SORCS2: variants seen among roughly 807,000 people sequenced by gnomAD.
SORCS2 encodes the protein VPS10 domain-containing receptor SorCS2.
Under a neutral mutation model 141.6 loss-of-function variants are expected in SORCS2, and 100 were observed. The ratio of observed to expected loss-of-function variants is 0.71; its 90% CI spans 0.60 to 0.83. The LOEUF (loss-of-function observed/expected upper bound fraction) is 0.83, where lower values mean the gene tolerates loss of function less well. Among genes scored for constraint, SORCS2 ranks in the 40% least tolerant of loss-of-function variants. The pLI is 0.00. For missense variants in SORCS2, 1,646 were observed against 1,560.2 expected (o/e 1.05, Z -0.93); for synonymous variants, 789 against 676.9 (o/e 1.17, Z -2.57).
intron 1 of SORCS2, among the ~76,000 whole-genome samples, chr4:7,305,617 G>T (rs552020161): frequency 6.6e-6 from 1 of 152,322 alleles, no homozygotes; most frequent in South Asian, 2.1e-4. Context: ...TAGTGTGAGA[G>T]AAGCTGTTTT....
intron 3 of SORCS2, among the ~76,000 whole-genome samples, chr4:7,574,163 T>C (rs1351236603): frequency 6.6e-6 from 1 of 152,258 alleles, no homozygotes; most frequent in African/African-American, 2.4e-5. Context: ...AGCTCGAGCA[T>C]CAGCTCAGAG....
intron 2 of SORCS2, among the ~76,000 whole-genome samples, chr4:7,481,538 C>T (rs1231325474): frequency 1.3e-5 from 2 of 152,054 alleles, no homozygotes; most frequent in Non-Finnish European, 2.9e-5. Context: ...TTGGAGAGGT[C>T]GGGGGAGCCG....
intron 1 of SORCS2, among the ~76,000 whole-genome samples, chr4:7,264,185 G>A (rs1003595753): frequency 4.6e-5 from 7 of 152,248 alleles, no homozygotes; most frequent in Non-Finnish European, 7.3e-5. Flanking sequence ...CCTAAGAGAT[G>A]TGATTGGCTG....
At chr4:7,355,558 C>T (rs1468061054) in intron 1 of SORCS2, among the ~76,000 whole-genome samples, 4 of 152,122 alleles carry the variant, frequency 2.6e-5, no homozygotes, top group Non-Finnish European at 4.4e-5. Context: ...TCTGCCGTCC[C>T]CAGGGGCCTC....
chr4:7,486,501 G>A (rs528945364), intron 2 of SORCS2, among the ~76,000 whole-genome samples: 10 of 152,206 alleles, frequency 6.6e-5, no homozygotes, highest in East Asian at 1.9e-4. Context: ...CTGTTCCTGC[G>A]GGACCCGAGG....
intron 2 of SORCS2, among the ~76,000 whole-genome samples, chr4:7,472,062 T>G (rs1730010234): frequency 6.6e-6 from 1 of 152,126 alleles, no homozygotes; most frequent in Non-Finnish European, 1.5e-5. Flanking sequence ...CGGGGATGAG[T>G]GCTCCCTGCA....
intron 1 of SORCS2, among the ~76,000 whole-genome samples, chr4:7,314,327 TTTTTATTTTTTTTA>T (rs1196542637): frequency 1.1e-5 from 1 of 93,678 alleles, no homozygotes; most frequent in Non-Finnish European, 2.4e-5. Context: ...CATGGCCTTT[TTTTTATTTTTTTTA>T]TTTTTTTTTA....
intron 3 of SORCS2, among the ~76,000 whole-genome samples, chr4:7,603,005 A>G (rs1223552439): frequency 1.3e-5 from 2 of 152,222 alleles, no homozygotes; most frequent in Non-Finnish European, 1.5e-5. Context: ...AAAAAAATAC[A>G]AAAACCAGTC....
intron 2 of SORCS2, among the ~76,000 whole-genome samples, chr4:7,425,195 C>T (rs78603314): frequency 0.015 from 2,242 of 152,328 alleles, 42 homozygotes; most frequent in African/African-American, 0.052. Flanking sequence ...CCTCCGTTTT[C>T]GGTTTTGCTG....
rs149481184 is a variant in SORCS2 at position 7,633,654 on chromosome 4, C to A, written c.649-4674C>A. On this transcript the variant is annotated intron_variant, in intron 3 of 26. Transcript: ENST00000507866. ...CATAAGTGGATGAGTTTTTTCTATG[C>A]GTTTTGCTCTCCAGGCTACTTAAAT... 3.3e-5 allele frequency among the ~76,000 whole-genome samples: 5 copies of A among 152,196 alleles called. No individual in the cohort carries two copies. The South Asian group carries it at 6.2e-4, about 19-fold the overall frequency.
At chr4:7,211,440 A>G (rs186990801) in intron 1 of SORCS2, among the ~76,000 whole-genome samples, 1 of 152,238 alleles carries the variant, frequency 6.6e-6, no homozygotes, top group East Asian at 1.9e-4. Context: ...CCCAGGCTGG[A>G]GTGCAGTGGC....
At chr4:7,628,740 C>A (rs541955890) in intron 3 of SORCS2, among the ~76,000 whole-genome samples, 5 of 151,910 alleles carry the variant, frequency 3.3e-5, no homozygotes, top group Non-Finnish European at 5.9e-5. Flanking sequence ...GGGCTTCCCG[C>A]GGTGGGAGCT....
chr4:7,309,524 C>T (rs1029864089), intron 1 of SORCS2, among the ~76,000 whole-genome samples: 12 of 152,154 alleles, frequency 7.9e-5, no homozygotes, highest in African/African-American at 2.7e-4. Flanking sequence ...GGCTCTTTGT[C>T]GGAAGCATTT....
At chr4:7,508,163 AT>A (rs1478600773) in intron 2 of SORCS2, among the ~76,000 whole-genome samples, 14 of 144,330 alleles carry the variant, frequency 9.7e-5, no homozygotes, top group African/African-American at 3.5e-4. Flanking sequence ...AAAAAATAAG[AT>A]TGAATTTTAA....
chr4:7,490,868 C>G (rs889925366), intron 2 of SORCS2, among the ~76,000 whole-genome samples: 1 of 152,164 alleles, frequency 6.6e-6, no homozygotes, highest in Admixed American at 6.5e-5. Context: ...CCTGCTTCCT[C>G]TGTGCCCTCT....
At chr4:7,666,815 G>C (rs1722532084) in intron 7 of SORCS2, among the ~76,000 whole-genome samples, 1 of 152,124 alleles carries the variant, frequency 6.6e-6, no homozygotes, top group South Asian at 2.1e-4. Context: ...TCTTTGGCCT[G>C]TCTCCTTCTC....
chr4:7,653,787 G>A (rs920959632), intron 4 of SORCS2, among the ~76,000 whole-genome samples: 2 of 152,212 alleles, frequency 1.3e-5, no homozygotes, highest in Non-Finnish European at 2.9e-5. Context: ...CTGGCAACAC[G>A]TGGCTCCTTC....
At chr4:7,305,361 G>GTTTTTTTTTTTTTT (rs5855954) in intron 1 of SORCS2, among the ~76,000 whole-genome samples, 1 of 137,770 alleles carries the variant, frequency 7.3e-6, no homozygotes. Context: ...TTCTACTTTA[G>GTTTTTTTTTTTTTT]TTTTTTTTTT....
chr4:7,724,136 G>GTGGTGATGGTGGTGA (rs1470327598), intron 19 of SORCS2, among the ~76,000 whole-genome samples: 64 of 127,786 alleles, frequency 5.0e-4, no homozygotes, highest in African/African-American at 1.6e-3. Context: ...GGTGGTGGTG[G>GTGGTGATGGTGGTGA]TGGTGATGGT....
Sources: allele counts gnomAD v4.1 joint callset (sites outside exome capture counted in the v4.1 genomes callset), GRCh38; gene constraint gnomAD v4.1.1; transcripts MANE v1.5; gene names NCBI Gene and HGNC (gene_info 2026-07-23, HGNC 2026-07-21).